PGM5: variants seen among roughly 807,000 people sequenced by gnomAD.
PGM5 encodes phosphoglucomutase-like protein 5.
A neutral mutation model predicts 59.2 loss-of-function variants in PGM5; 23 were observed. The observed-to-expected ratio is 0.39, with a 90% CI of 0.28 to 0.55. PGM5 has a LOEUF of 0.55. PGM5 is among the 20% of genes least tolerant of loss of function. PGM5 has a pLI of 0.66. For synonymous variants in PGM5, 214 were observed against 286.0 expected (o/e 0.75, Z 2.54); for missense variants, 574 against 748.3 (o/e 0.77, Z 2.72).
chr9:68,496,065 G>T (rs1217272556), intron 9 of PGM5, among the ~76,000 whole-genome samples: 7 of 152,054 alleles, frequency 4.6e-5, no homozygotes, highest in Non-Finnish European at 8.8e-5. Context: ...AAAAGTAGGT[G>T]GCAGGTCAAC....
At position 68,373,111 on chromosome 9, in the gene PGM5, C is replaced by G. The variant is rs1448217071; in HGVS notation, c.262-5088C>G. Among the ~76,000 whole-genome samples, 6 of 147,002 alleles carry G rather than the reference C, an allele frequency of 4.1e-5. No homozygotes were observed. In the Admixed American group the frequency reaches 4.1e-4, roughly 10 times the overall value. On this transcript the variant is annotated intron_variant, in intron 1 of 10. Transcript: ENST00000396396. ...GGGGAAAGCCACTCATTGACATCCA[C>G]AGAACTGGTCATCCTATTATTAAAA...
chr9:68,513,935 T>C (rs1824788118), intron 10 of PGM5, among the ~76,000 whole-genome samples: 1 of 152,216 alleles, frequency 6.6e-6, no homozygotes, highest in Admixed American at 6.5e-5. Flanking sequence ...TCATTATGAA[T>C]TCACTTTCCT....
intron 10 of PGM5, among the ~76,000 whole-genome samples, chr9:68,527,267 G>T (rs145220242): frequency 6.6e-6 from 1 of 152,126 alleles, no homozygotes; most frequent in African/African-American, 2.4e-5. Context: ...CTTTAGTTCC[G>T]TAAGGTTCAA....
intron 6 of PGM5, among the ~76,000 whole-genome samples, chr9:68,426,235 C>T (rs1823235482): frequency 6.9e-6 from 1 of 145,600 alleles, no homozygotes; most frequent in South Asian, 2.2e-4. Context: ...CACTTATCTT[C>T]CTAAATCCCA....
intron 7 of PGM5, among the ~76,000 whole-genome samples, chr9:68,471,970 CAAAA>C (rs35694675): frequency 7.8e-6 from 1 of 128,428 alleles, no homozygotes; most frequent in Non-Finnish European, 1.7e-5. Flanking sequence ...GCCTTGGTGA[CAAAA>C]AAAAAAAAAA....
rs901457727 is a variant in PGM5, at chr9:68,525,588, A to G, written c.1615-3979A>G. Among the ~76,000 whole-genome samples the G allele has an allele frequency of 1.2e-4, 18 of 152,236 alleles. 1 individual carries two copies. Among genetic ancestry groups the G allele is most frequent in the Non-Finnish European group, 1.2e-4 (8 of 68,034 alleles). ...TGGTTTCCCATATGAAAAACAATATATAAATAAAAAGATATATACCATCTA... is the reference window on the plus strand; with the variant it reads ...TGGTTTCCCATATGAAAAACAATATGTAAATAAAAAGATATATACCATCTA... On this transcript the variant is annotated intron_variant, in intron 10 of 10. Transcript: ENST00000396396.
At chr9:68,370,073 AT>A (rs1327263976) in intron 1 of PGM5, among the ~76,000 whole-genome samples, 1 of 151,674 alleles carries the variant, frequency 6.6e-6, no homozygotes, top group Non-Finnish European at 1.5e-5. Context: ...GGAAACAGGC[AT>A]CTTTGTGTAT....
At chr9:68,466,784 G>A (rs1554685860) in intron 7 of PGM5, among the ~76,000 whole-genome samples, 5 of 152,134 alleles carry the variant, frequency 3.3e-5, no homozygotes. Flanking sequence ...AAGTGTTCCT[G>A]TTTCTCCCTC....
At chr9:68,444,029 G>A (rs1203301683) in intron 6 of PGM5, among the ~76,000 whole-genome samples, 2 of 151,394 alleles carry the variant, frequency 1.3e-5, no homozygotes, top group Non-Finnish European at 2.9e-5. Flanking sequence ...GATTGCATGT[G>A]CTACTTAGAA....
chr9:68,484,664 A>G (rs782098054), intron 9 of PGM5, among the ~76,000 whole-genome samples: 4 of 152,088 alleles, frequency 2.6e-5, no homozygotes, highest in Non-Finnish European at 5.9e-5. Flanking sequence ...TAATGGATAG[A>G]CCAATATGTC....
At chr9:68,519,103 C>A (rs574002876) in intron 10 of PGM5, among the ~76,000 whole-genome samples, 6 of 152,104 alleles carry the variant, frequency 3.9e-5, no homozygotes, top group Non-Finnish European at 8.8e-5. Context: ...TGAAACTTTC[C>A]TTCTAAAATG....
intron 7 of PGM5, among the ~76,000 whole-genome samples, chr9:68,474,547 G>A (rs1824073518): frequency 6.6e-6 from 1 of 151,652 alleles, no homozygotes; most frequent in Non-Finnish European, 1.5e-5. Context: ...AGTGGAGGGG[G>A]AACAGTGATA....
rs369740293 is a variant in PGM5 at position 68,526,061 on chromosome 9, A to T, written c.1615-3506A>T. Among the ~76,000 whole-genome samples the T allele has an allele frequency of 9.5e-3, 1,414 of 149,428 alleles. 24 individuals carry two copies. Among genetic ancestry groups the T allele is most frequent in the African/African-American group, 0.035 (1,353 of 38,840 alleles). On this transcript the variant is annotated intron_variant, in intron 10 of 10. Coordinates refer to ENST00000396396, the MANE Select transcript of PGM5 (RefSeq NM_021965.4). ...ACAGAGTGAGACTCCTTCTCAAAAA[A>T]AAAAAAGAAAGAAAGAAAAAAAAGG...
chr9:68,497,836 G>A (rs1271690077), intron 9 of PGM5: 1 of 152,074 alleles, frequency 6.6e-6, no homozygotes, highest in Admixed American at 6.5e-5. Flanking sequence ...GTTGTCTTAG[G>A]AGAACACATT....
intron 9 of PGM5, among the ~76,000 whole-genome samples, chr9:68,486,409 G>T (rs559471723): frequency 6.6e-6 from 1 of 152,132 alleles, no homozygotes; most frequent in South Asian, 2.1e-4. Context: ...AAGAAATGTT[G>T]TGCTCTTTAG....
chr9:68,504,831 C>T (rs185931072), intron 10 of PGM5, among the ~76,000 whole-genome samples: 32 of 152,244 alleles, frequency 2.1e-4, no homozygotes, highest in African/African-American at 3.6e-4. Flanking sequence ...ATGGTAAATG[C>T]CCAACGCAGT....
intron 10 of PGM5, among the ~76,000 whole-genome samples, chr9:68,508,171 A>C (rs1049630626): frequency 1.3e-5 from 2 of 152,090 alleles, no homozygotes; most frequent in Admixed American, 1.3e-4. Flanking sequence ...GCCCATCTCA[A>C]ATCTCTCTTT....
At chr9:68,486,859 G>A (rs1052050989) in intron 9 of PGM5, among the ~76,000 whole-genome samples, 3 of 152,186 alleles carry the variant, frequency 2.0e-5, no homozygotes, top group Non-Finnish European at 2.9e-5. Context: ...TATGGTCTTC[G>A]TAAGCAATTG....
At chr9:68,408,749 G>A (rs536319482) in intron 6 of PGM5, among the ~76,000 whole-genome samples, 4 of 152,208 alleles carry the variant, frequency 2.6e-5, no homozygotes, top group Non-Finnish European at 5.9e-5. Flanking sequence ...ATTGATTTTT[G>A]TATAAGGTGT....
Sources: allele counts gnomAD v4.1 joint callset (sites outside exome capture counted in the v4.1 genomes callset), GRCh38; gene constraint gnomAD v4.1.1; transcripts MANE v1.5; gene names NCBI Gene and HGNC (gene_info 2026-07-23, HGNC 2026-07-21).